LYRM4: variants seen among roughly 807,000 people sequenced by gnomAD.
LYRM4 encodes LYR motif-containing protein 4.
A neutral mutation model predicts 11.7 loss-of-function variants in LYRM4; 9 were observed. The ratio of observed to expected loss-of-function variants is 0.77; its 90% CI spans 0.46 to 1.34. LYRM4 has a LOEUF of 1.34. LYRM4 is among the 40% of genes most tolerant of loss of function. The probability of loss-of-function intolerance (pLI) is 0.00; values close to 1 mark genes in which losing one functional copy is unlikely to be tolerated. For synonymous variants in LYRM4, 42 were observed against 40.4 expected (o/e 1.04, Z -0.15); for missense variants, 133 against 112.5 (o/e 1.18, Z -0.82).
At chr6:5,144,215 G>A in intron 2 of LYRM4, 5 of 1,536,968 alleles carry the variant, frequency 3.3e-6, no homozygotes, top group Non-Finnish European at 3.5e-6. Flanking sequence ...CCAGGCTCCG[G>A]CTGCTGTTCC....
chr6:5,205,135 G>A (rs1453000711), intron 2 of LYRM4, among the ~76,000 whole-genome samples: 2 of 152,212 alleles, frequency 1.3e-5, no homozygotes, highest in East Asian at 1.9e-4. Context: ...TTATTAAAAT[G>A]CCATTCTAAA....
Position 5,260,856 on chromosome 6 carries a change from A to G in LYRM4, c.-123T>C. The G allele has an allele frequency of 2.7e-6, 4 of 1,490,848 alleles. No individual in the cohort carries two copies. The highest frequency in any genetic ancestry group is 3.6e-6 in the Non-Finnish European group (4 of 1,126,136). 92.4% of individuals were successfully genotyped at this position (1,490,848 alleles called of 1,614,324 possible). On this transcript the variant is annotated 5_prime_UTR_variant, in exon 1 of 3. Transcript: ENST00000330636. ...TAAAATGCTGCGGCTCGGCTTTGCC[A>G]GCGGGCCGGGCCTAAGCCTAAGCGG...
Position 5,226,805 on chromosome 6 carries a change from T to C in LYRM4, c.87-10067A>G, listed in dbSNP as rs144956498. The stretch of plus-strand genomic sequence containing the variant: ...TGTTAACAATAATTACTTTTGGTTA[T>C]TGAAATTTATGCCTCCTAAATTACT... On this transcript the variant is annotated intron_variant, in intron 1 of 2. Transcript: ENST00000330636. Among the ~76,000 whole-genome samples, 183 of 152,370 alleles carry C rather than the reference T, an allele frequency of 1.2e-3. 1 individual carries two copies. The highest frequency in any genetic ancestry group is 4.2e-3 in the African/African-American group (173 of 41,580).
chr6:5,150,087 C>G (rs766435607), intron 2 of LYRM4, among the ~76,000 whole-genome samples: 10 of 152,188 alleles, frequency 6.6e-5, no homozygotes, highest in Non-Finnish European at 1.3e-4. Flanking sequence ...TTGTTTCAGG[C>G]TACAGTAAAG....
At chr6:5,059,472 G>T in the LYRM4 span, among the ~76,000 whole-genome samples, 7 of 152,190 alleles carry the variant, frequency 4.6e-5, no homozygotes, top group African/African-American at 1.7e-4. Context: ...GTATCTTGGG[G>T]ATTGTTTCAT....
At chr6:5,201,180 A>G (rs1431693459) in intron 2 of LYRM4, among the ~76,000 whole-genome samples, 1 of 152,120 alleles carries the variant, frequency 6.6e-6, no homozygotes, top group African/African-American at 2.4e-5. Context: ...GGTATCTGAT[A>G]TGGAATGTAT....
At chr6:5,050,469 T>C in the LYRM4 span, among the ~76,000 whole-genome samples, 1 of 152,260 alleles carries the variant, frequency 6.6e-6, no homozygotes, top group East Asian at 1.9e-4. Context: ...CCTCATCTCT[T>C]TGGCTGAAGC....
At chr6:5,052,557 G>A in the LYRM4 span, among the ~76,000 whole-genome samples, 14,572 of 152,186 alleles carry the variant, frequency 0.096, 850 homozygotes, top group African/African-American at 0.16. Context: ...GCCTCCCAAA[G>A]TGCTACAATT....
At chr6:5,125,929 A>G (rs1408925912) in intron 2 of LYRM4, among the ~76,000 whole-genome samples, 1 of 152,206 alleles carries the variant, frequency 6.6e-6, no homozygotes, top group Non-Finnish European at 1.5e-5. Context: ...AGACAAAGGG[A>G]CACTGACTCT....
At chr6:5,128,918 C>T (rs1378570174) in intron 2 of LYRM4, among the ~76,000 whole-genome samples, 1 of 152,246 alleles carries the variant, frequency 6.6e-6, no homozygotes, top group Non-Finnish European at 1.5e-5. Context: ...AGTGCTTGGG[C>T]CTATGCCCTT....
intron 2 of LYRM4, among the ~76,000 whole-genome samples, chr6:5,143,218 A>AGCGGAGTCTGATGCCGT (rs1554130296): frequency 1.3e-5 from 2 of 151,826 alleles, no homozygotes; most frequent in African/African-American, 4.8e-5. Flanking sequence ...CTTCTGTGTG[A>AGCGGAGTCTGATGCCGT]GTCAGCACAC....
intron 2 of LYRM4, among the ~76,000 whole-genome samples, chr6:5,190,663 A>G (rs935915157): frequency 4.6e-5 from 7 of 151,932 alleles, no homozygotes; most frequent in African/African-American, 1.7e-4. Context: ...AATTCCTATC[A>G]TCTAGTAACT....
chr6:5,146,834 A>T (rs1757754898), intron 2 of LYRM4, among the ~76,000 whole-genome samples: 1 of 152,218 alleles, frequency 6.6e-6, no homozygotes, highest in Admixed American at 6.5e-5. Flanking sequence ...TGGAGCCAGG[A>T]GGCCGGTCTG....
chr6:5,147,359 A>G (rs567115911), intron 2 of LYRM4, among the ~76,000 whole-genome samples: 3 of 152,176 alleles, frequency 2.0e-5, no homozygotes, highest in African/African-American at 4.8e-5. Flanking sequence ...TCATATTTTA[A>G]CCTGGATTTT....
At chr6:5,197,507 A>G (rs1761132421) in intron 2 of LYRM4, among the ~76,000 whole-genome samples, 1 of 151,806 alleles carries the variant, frequency 6.6e-6, no homozygotes, top group East Asian at 1.9e-4. Flanking sequence ...CCCCGTCTCT[A>G]CTGAAAATAC....
At chr6:5,159,160 A>G (rs1758599128) in intron 2 of LYRM4, among the ~76,000 whole-genome samples, 2 of 152,244 alleles carry the variant, frequency 1.3e-5, no homozygotes, top group Non-Finnish European at 2.9e-5. Flanking sequence ...TTCCAAAGGA[A>G]CTGTATACTA....
chr6:5,259,887 G>A (rs1002436621), intron 1 of LYRM4, among the ~76,000 whole-genome samples: 2 of 152,204 alleles, frequency 1.3e-5, no homozygotes, highest in East Asian at 3.8e-4. Flanking sequence ...GCAACACTGT[G>A]AAAGCAGAGG....
intron 1 of LYRM4, among the ~76,000 whole-genome samples, chr6:5,235,134 A>T (rs142498953): frequency 4.6e-5 from 7 of 152,096 alleles, no homozygotes; most frequent in Non-Finnish European, 8.8e-5. Flanking sequence ...GTGGTGTTAA[A>T]ACCACTGTTG....
intron 1 of LYRM4, among the ~76,000 whole-genome samples, chr6:5,244,252 T>C (rs1764039950): frequency 6.6e-6 from 1 of 152,240 alleles, no homozygotes; most frequent in Non-Finnish European, 1.5e-5. Flanking sequence ...AACTGTATTC[T>C]AAGGGTAGTG....
Sources: allele counts gnomAD v4.1 joint callset (sites outside exome capture counted in the v4.1 genomes callset), GRCh38; gene constraint gnomAD v4.1.1; transcripts MANE v1.5; gene names NCBI Gene and HGNC (gene_info 2026-07-23, HGNC 2026-07-21).